The following ATF7 variants were observed in gnomAD, a reference collection of about 807,000 sequenced individuals.
ATF7 encodes activating transcription factor 7, also known as cyclic AMP-dependent transcription factor ATF-7.
Under a neutral mutation model 50.4 loss-of-function variants are expected in ATF7, and 10 were observed. That is an observed-to-expected ratio of 0.20 (90% CI 0.12 to 0.34). ATF7 has a LOEUF of 0.34. ATF7 is among the 10% of genes least tolerant of loss of function. ATF7 has a pLI of 1.00. For synonymous variants in ATF7, 201 were observed against 226.4 expected, an observed-to-expected ratio of 0.89 and a Z score of 1.01; for missense variants, 465 against 613.9, an observed-to-expected ratio of 0.76 and a Z score of 2.56.
intron 1 of ATF7, among the ~76,000 whole-genome samples, chr12:53,608,057 A>C (rs1466967116): frequency 6.6e-6 from 1 of 151,904 alleles, no homozygotes; most frequent in Non-Finnish European, 1.5e-5. Flanking sequence ...ATCTCTACTA[A>C]AAATACAAAA....
chr12:53,619,261 G>A (rs558736684), intron 1 of ATF7, among the ~76,000 whole-genome samples: 1 of 150,398 alleles, frequency 6.6e-6, no homozygotes, highest in East Asian at 2.0e-4. Context: ...AGGCCCAGGT[G>A]GGCGCATCAA....
chr12:53,511,438 C>T (rs1009896265), downstream of ATF7, among the ~76,000 whole-genome samples: 7 of 152,200 alleles, frequency 4.6e-5, no homozygotes, highest in African/African-American at 9.6e-5. Context: ...TTAGTAGAGA[C>T]GGGGTTTCTC....
Position 53,600,992 on chromosome 12 carries a change from G to A in ATF7, c.9C>T (p.Asp3=), listed in dbSNP as rs377276777. 1.6e-5 allele frequency: 25 copies of A among 1,612,716 alleles called. No homozygotes were observed. The African/African-American group carries it at 1.6e-4, about 10-fold the overall frequency. Residue 3 remains aspartate, a synonymous_variant, in exon 2 of 12, where the codon GAC becomes GAT. Coordinates refer to ENST00000420353, the MANE Select transcript of ATF7 (RefSeq NM_006856.3). ...GGGCATTGCACACAAACGGTCTGTCGTCTCCCATATTTCATATAGCAGAGA... is the reference window on the plus strand; with the variant it reads ...GGGCATTGCACACAAACGGTCTGTCATCTCCCATATTTCATATAGCAGAGA... MG[D]DRPFVCNAPG...
At chr12:53,596,805 C>G (rs1475763898) in intron 2 of ATF7, among the ~76,000 whole-genome samples, 1 of 152,112 alleles carries the variant, frequency 6.6e-6, no homozygotes, top group Non-Finnish European at 1.5e-5. Flanking sequence ...GATTCAGTAC[C>G]AAACTATATT....
intron 1 of ATF7, among the ~76,000 whole-genome samples, chr12:53,610,619 C>A (rs1471879172): frequency 6.6e-6 from 1 of 151,024 alleles, no homozygotes; most frequent in Non-Finnish European, 1.5e-5. Flanking sequence ...TTTACAACCT[C>A]TAAAAAGTTG....
At chr12:53,597,896 C>T (rs1030337897) in intron 2 of ATF7, among the ~76,000 whole-genome samples, 1 of 151,810 alleles carries the variant, frequency 6.6e-6, no homozygotes, top group Non-Finnish European at 1.5e-5. Flanking sequence ...CTTTTTGAGA[C>T]TTCTATGGTA....
rs1471645482 is a variant in ATF7 at position 53,524,184 on chromosome 12, G to A, written c.1125+380C>T. On this transcript the variant is annotated intron_variant, in intron 10 of 11. Transcript: ENST00000420353. The surrounding 1 kb of genome is among the most constrained non-coding windows in gnomAD (Gnocchi z 4.6). ...ATTATAGATTATAATTATTCTATTTGTGCTTGTAGCACTTTTTTCTTTCTC... is the reference window on the plus strand; with the variant it reads ...ATTATAGATTATAATTATTCTATTTATGCTTGTAGCACTTTTTTCTTTCTC... Among the ~76,000 whole-genome samples the A allele has an allele frequency of 1.3e-5, 2 of 152,134 alleles. No homozygotes were observed. The highest frequency in any genetic ancestry group is 4.8e-5 in the African/African-American group (2 of 41,442).
chr12:53,625,682 C>T (rs1255126114), intron 1 of ATF7, among the ~76,000 whole-genome samples: 2 of 152,210 alleles, frequency 1.3e-5, no homozygotes, highest in Admixed American at 6.5e-5. Flanking sequence ...ATCTTTTCTG[C>T]CAAACCCAAC....
chr12:53,582,840 T>TC (rs1345340909), intron 2 of ATF7, among the ~76,000 whole-genome samples: 1 of 152,122 alleles, frequency 6.6e-6, no homozygotes, highest in Non-Finnish European at 1.5e-5. Flanking sequence ...CACCTCGGCC[T>TC]CCCAAAGTGC....
Position 53,535,328 on chromosome 12 carries a change from C to CAAAAAAAAAAAA in ATF7, c.403-681_403-670dup, listed in dbSNP as rs397938442. Among the ~76,000 whole-genome samples the CAAAAAAAAAAAA allele has an allele frequency of 2.3e-3, 147 of 64,824 alleles. 6 individuals are homozygous for CAAAAAAAAAAAA. Among genetic ancestry groups the CAAAAAAAAAAAA allele is most frequent in the African/African-American group, 5.1e-3 (91 of 17,890 alleles). The allele number at this position is 64,824 out of a possible 152,430, so 42.5% of individuals were successfully genotyped here. On this transcript the variant is annotated intron_variant, in intron 5 of 11. Coordinates refer to ENST00000420353, the MANE Select transcript of ATF7 (RefSeq NM_006856.3). The stretch of plus-strand genomic sequence containing the variant: ...CTGGCGACAGAGCGAGACTCTGCCT[C>CAAAAAAAAAAAA]AAAAAAAAAAAAAAAAAGAAAAGGG...
chr12:53,569,747 T>C (rs937061378), intron 2 of ATF7, among the ~76,000 whole-genome samples: 1 of 152,072 alleles, frequency 6.6e-6, no homozygotes, highest in African/African-American at 2.4e-5. Flanking sequence ...CAATCTCAGC[T>C]TACTGCAACC....
At chr12:53,566,944 G>T (rs1941477164) in intron 2 of ATF7, among the ~76,000 whole-genome samples, 1 of 152,070 alleles carries the variant, frequency 6.6e-6, no homozygotes, top group Non-Finnish European at 1.5e-5. Flanking sequence ...AGTACAGATG[G>T]GGTTTCACCA....
rs201452971 is a variant in ATF7, at chr12:53,552,645, G to A, written c.49-8C>T. 6.8e-6 allele frequency: 11 copies of A among 1,607,708 alleles called. No homozygotes were observed. Among genetic ancestry groups the A allele is most frequent in the East Asian group, 6.7e-5 (3 of 44,856 alleles). On this transcript the variant is annotated splice_region_variant and splice_polypyrimidine_tract_variant and intron_variant, in intron 2 of 11. Coordinates refer to ENST00000420353, the MANE Select transcript of ATF7 (RefSeq NM_006856.3). ...GTCCTCGTTTGTAAATCTCTGAAAC[G>A]AAACAGAAATGGAGATATGAAAAAA...
At chr12:53,566,935 G>A (rs1424940421) in intron 2 of ATF7, among the ~76,000 whole-genome samples, 2 of 152,032 alleles carry the variant, frequency 1.3e-5, no homozygotes, top group Non-Finnish European at 2.9e-5. Context: ...TGTATTTTTA[G>A]TACAGATGGG....
intron 1 of ATF7, among the ~76,000 whole-genome samples, chr12:53,616,533 A>G (rs1019634717): frequency 6.6e-6 from 1 of 152,132 alleles, no homozygotes; most frequent in African/African-American, 2.4e-5. Flanking sequence ...ACACTTTCAT[A>G]GACTTTCATG....
At chr12:53,532,332 GGGA>G (rs1406423836) in intron 8 of ATF7, among the ~76,000 whole-genome samples, 175 bp downstream of exon 8, 1 of 152,178 alleles carries the variant, frequency 6.6e-6, no homozygotes. Context: ...TCTAAAGGTG[GGGA>G]GAGGAGATGG....
Position 53,557,632 on chromosome 12 carries a change from C to T in ATF7, c.49-4995G>A, listed in dbSNP as rs114585603. On this transcript the variant is annotated intron_variant, in intron 2 of 11. Coordinates refer to ENST00000420353, the MANE Select transcript of ATF7 (RefSeq NM_006856.3). ...ACTGTAGGGTAAATATAATAACCAT[C>T]TCCAAGGCAGCAGAAGGCTTAATAC... is the stretch of plus-strand genomic sequence containing the variant. Among the ~76,000 whole-genome samples the T allele has an allele frequency of 9.7e-3, 1,481 of 152,310 alleles. 25 individuals carry two copies. Among genetic ancestry groups the T allele is most frequent in the African/African-American group, 0.034 (1,402 of 41,550 alleles).
chr12:53,591,124 T>C lies in ATF7; in HGVS notation c.48+9829A>G, dbSNP rs191784111. On this transcript the variant is annotated intron_variant, in intron 2 of 11. Coordinates refer to ENST00000420353, the MANE Select transcript of ATF7 (RefSeq NM_006856.3). Reference sequence around the variant, plus strand: ...AAGGAAATTGTGAGTAGGGGTGGAGTGAGGAGGTATACGGGAACTCTACTC... The same window carrying C: ...AAGGAAATTGTGAGTAGGGGTGGAGCGAGGAGGTATACGGGAACTCTACTC... 1.7e-3 allele frequency among the ~76,000 whole-genome samples: 258 copies of C among 151,870 alleles called. 1 individual carries two copies. The highest frequency in any genetic ancestry group is 6.1e-3 in the African/African-American group (252 of 41,378).
intron 2 of ATF7, among the ~76,000 whole-genome samples, chr12:53,565,962 G>A (rs911033536): frequency 8.5e-5 from 13 of 152,140 alleles, no homozygotes; most frequent in Non-Finnish European, 1.6e-4. Context: ...CAATCATGGC[G>A]GGAGGCAAAG....
Sources: allele counts gnomAD v4.1 joint callset (sites outside exome capture counted in the v4.1 genomes callset), GRCh38; gene constraint gnomAD v4.1.1; non-coding constraint Gnocchi (gnomAD v3.1); transcripts MANE v1.5; gene names NCBI Gene and HGNC (gene_info 2026-07-23, HGNC 2026-07-21).